The following KANK1 variants were observed in gnomAD, a reference collection of about 807,000 sequenced individuals.
KANK1 encodes KN motif and ankyrin repeat domains 1, also known as KN motif and ankyrin repeat domain-containing protein 1.
Under a neutral mutation model 106.2 loss-of-function variants are expected in KANK1, and 109 were observed. The observed-to-expected ratio is 1.03, with a 90% confidence interval of 0.88 to 1.20. KANK1 has a LOEUF of 1.20. KANK1 is among the 50% of genes most tolerant of loss of function. The pLI, the probability that KANK1 is intolerant of heterozygous loss-of-function variation, is 0.00. For synonymous variants in KANK1, 873 were observed against 652.2 expected (o/e 1.34, Z -5.16); for missense variants, 2,399 against 1,710.7 (o/e 1.40, Z -7.10).
At chr9:645,388 C>G (rs1839437627) in intron 1 of KANK1, among the ~76,000 whole-genome samples, 1 of 133,510 alleles carries the variant, frequency 7.5e-6, no homozygotes, top group Non-Finnish European at 1.5e-5. Context: ...TGTAGTGATC[C>G]AAGATCATAC....
At chr9:595,455 G>A (rs1825978876) in intron 1 of KANK1, among the ~76,000 whole-genome samples, 1 of 151,894 alleles carries the variant, frequency 6.6e-6, no homozygotes, top group African/African-American at 2.4e-5. Flanking sequence ...CCGAGGAAAA[G>A]CCTGCAAAAT....
intron 1 of KANK1, among the ~76,000 whole-genome samples, chr9:602,197 T>C (rs1415046186): frequency 6.6e-6 from 1 of 151,958 alleles, no homozygotes. Context: ...TTTTTGACAT[T>C]CCTTCAATAA....
chr9:698,055 A>G (rs933674452), intron 2 of KANK1, among the ~76,000 whole-genome samples: 2 of 152,128 alleles, frequency 1.3e-5, no homozygotes, highest in East Asian at 3.9e-4. Context: ...GCGTTTTCAG[A>G]GTATATTGTT....
intron 1 of KANK1, among the ~76,000 whole-genome samples, chr9:567,709 C>G (rs1050472201): frequency 1.7e-4 from 26 of 152,348 alleles, no homozygotes; most frequent in Admixed American, 7.8e-4. Context: ...CTCTGAAAGG[C>G]AGCACTTCTT....
chr9:627,451 C>G (rs1032145984), intron 1 of KANK1, among the ~76,000 whole-genome samples: 2 of 152,198 alleles, frequency 1.3e-5, no homozygotes, highest in African/African-American at 4.8e-5. Flanking sequence ...ACCTTTTTCT[C>G]TTATCTCTGC....
chr9:713,504 G>T, intron 3 of KANK1, 40 bp downstream of exon 3: 1 of 1,511,954 alleles, frequency 6.6e-7, no homozygotes, highest in Non-Finnish European at 8.8e-7. Flanking sequence ...AGGAAGGATG[G>T]GGGAAAATGT....
At chr9:613,064 A>G (rs1830947804) in intron 1 of KANK1, among the ~76,000 whole-genome samples, 1 of 152,128 alleles carries the variant, frequency 6.6e-6, no homozygotes, top group African/African-American at 2.4e-5. Flanking sequence ...CAGAAGGAAG[A>G]TATCAAGAGG....
intron 1 of KANK1, among the ~76,000 whole-genome samples, chr9:639,534 C>T (rs1421902437): frequency 3.3e-5 from 5 of 152,030 alleles, no homozygotes; most frequent in Non-Finnish European, 7.4e-5. Flanking sequence ...CCAGGCTGGT[C>T]TTGAACTCCT....
chr9:688,156 G>A (rs1818987376), intron 2 of KANK1, among the ~76,000 whole-genome samples: 1 of 152,196 alleles, frequency 6.6e-6, no homozygotes, highest in African/African-American at 2.4e-5. Context: ...CCAGTTGGTC[G>A]CTCTGTGAAT....
chr9:611,192 A>G (rs1353013928), intron 1 of KANK1, among the ~76,000 whole-genome samples: 1 of 152,132 alleles, frequency 6.6e-6, no homozygotes. Context: ...CCTGAGTTCC[A>G]TTTGTTAGTA....
chr9:660,435 C>A (rs1395139875), intron 1 of KANK1: 6 of 155,082 alleles, frequency 3.9e-5, no homozygotes, highest in South Asian at 1.8e-4. Context: ...ATAATGTAAC[C>A]ATTTGTGGTC....
chr9:684,238 C>G (rs1402033343), intron 2 of KANK1: 3 of 985,146 alleles, frequency 3.0e-6, no homozygotes, highest in African/African-American at 3.5e-5. Context: ...GCGATTAGCT[C>G]TCCAGCTAAG....
At chr9:704,869 A>G (rs1823610700) in intron 2 of KANK1, among the ~76,000 whole-genome samples, 2 of 151,684 alleles carry the variant, frequency 1.3e-5, no homozygotes, top group South Asian at 2.1e-4. Flanking sequence ...CTACATACCT[A>G]TAGTTCCCAG....
At chr9:635,125 G>A (rs548559131) in intron 1 of KANK1, among the ~76,000 whole-genome samples, 22 of 152,218 alleles carry the variant, frequency 1.4e-4, no homozygotes, top group African/African-American at 5.3e-4. Flanking sequence ...GGAACAGGTG[G>A]AGAGTCAACC....
chr9:494,210 A>C (rs1354875484), intron 3 of KANK1, among the ~76,000 whole-genome samples: 1 of 152,212 alleles, frequency 6.6e-6, no homozygotes, highest in Non-Finnish European at 1.5e-5. Context: ...AAACTTTTGA[A>C]TATAAAGAAT....
At chr9:745,091 G>A in intron 11 of KANK1, 82 bp from the exon 12 acceptor site, 1 of 1,558,124 alleles carries the variant, frequency 6.4e-7, no homozygotes, top group Non-Finnish European at 8.7e-7. Flanking sequence ...GCCTGTGGTG[G>A]GCCAAGATCC....
At chr9:734,513 A>G in intron 6 of KANK1, 1 of 375,986 alleles carries the variant, frequency 2.7e-6, no homozygotes. Flanking sequence ...TAAAAATACA[A>G]AAATTAGCTG....
chr9:557,751 C>G (rs1815214981), intron 1 of KANK1, among the ~76,000 whole-genome samples: 1 of 152,180 alleles, frequency 6.6e-6, no homozygotes, highest in African/African-American at 2.4e-5. Flanking sequence ...CCTGTACGGC[C>G]AGGTGTGGTG....
rs201557720 is a variant in KANK1, at chr9:712,968, G to A, written c.2202G>A (p.Arg734=). 3 of 1,614,216 alleles carry A rather than the reference G, an allele frequency of 1.9e-6. No individual in the cohort carries two copies. The highest frequency in any genetic ancestry group is 2.5e-6 in the Non-Finnish European group (3 of 1,180,040). ...VKDINSSTKT[R]SIGVGTLLSG... Reference sequence around the variant, plus strand: ...ACATCAACTCCTCCACCAAGACGCGGTCCATTGGTGTTGGAACGTTGCTTT... The same window carrying A: ...ACATCAACTCCTCCACCAAGACGCGATCCATTGGTGTTGGAACGTTGCTTT... The change falls in exon 3 of 12, where the codon CGG becomes CGA. Residue 734 remains arginine (R), a synonymous_variant. Transcript: ENST00000382297.
Sources: allele counts gnomAD v4.1 joint callset (sites outside exome capture counted in the v4.1 genomes callset), GRCh38; gene constraint gnomAD v4.1.1; transcripts MANE v1.5; gene names NCBI Gene and HGNC (gene_info 2026-07-23, HGNC 2026-07-21).